TJP1: variants seen among roughly 807,000 people sequenced by gnomAD.
TJP1 encodes tight junction protein 1.
TJP1 carries 43 observed loss-of-function variants against 194.2 expected under a neutral mutation model. That is an observed-to-expected ratio of 0.22 (90% CI 0.17 to 0.29). The LOEUF is 0.29. Among genes scored for constraint, TJP1 ranks in the 10% least tolerant of loss-of-function variants. The pLI is 1.00. For missense variants in TJP1, 1,971 were observed against 2,185.7 expected (o/e 0.90, Z 1.96); for synonymous variants, 801 against 779.0 (o/e 1.03, Z -0.47).
chr15:29,836,977 A>G (rs909000309), intron 2 of TJP1, among the ~76,000 whole-genome samples: 22 of 152,172 alleles, frequency 1.4e-4, no homozygotes, highest in Admixed American at 3.9e-4. Flanking sequence ...GTGAGAAATA[A>G]ATTTATACTG....
intron 2 of TJP1, among the ~76,000 whole-genome samples, chr15:29,795,071 G>C (rs188600236): frequency 2.6e-5 from 4 of 152,230 alleles, no homozygotes; most frequent in Admixed American, 2.6e-4. Flanking sequence ...GGAATATTAT[G>C]AACAATGTTA....
In TJP1 at chr15:29,968,309, G is replaced by T. The variant is rs1436711757; in HGVS notation, c.173+358C>A. The T allele has an allele frequency of 5.1e-6, 5 of 984,898 alleles. No homozygotes were observed. In the African/African-American group the frequency reaches 8.7e-5, roughly 17 times the overall value. 61.0% of individuals were successfully genotyped at this position (984,898 alleles called of 1,614,324 possible). On this transcript the variant is annotated intron_variant, in intron 1 of 28. Transcript: ENST00000356107. ...TGCTGTCTCCGCGAGAGCCTGGCTG[G>T]AAATTCTGAGCCAGAACCCGCCGTA...
intron 1 of TJP1, among the ~76,000 whole-genome samples, chr15:29,821,744 A>G (rs993333604): frequency 4.0e-5 from 6 of 151,612 alleles, no homozygotes; most frequent in Admixed American, 3.9e-4. Flanking sequence ...GCCGGCAGCT[A>G]TGCACCTGCC....
chr15:29,794,891 A>G (rs2048307695), intron 2 of TJP1, among the ~76,000 whole-genome samples: 1 of 152,228 alleles, frequency 6.6e-6, no homozygotes. Context: ...TCAATGAAAC[A>G]GAAAACAGAA....
rs1322385505 is a variant in TJP1 at position 29,716,805 on chromosome 15, T to C, written c.4008A>G (p.Pro1336=). The change falls in exon 23 of 28, where the codon CCA becomes CCG. Residue 1336 remains proline, a synonymous_variant. Coordinates refer to ENST00000614355, the MANE Select transcript of TJP1 (RefSeq NM_001330239.4). ...GATTGGACCGAACAATATCTTCAGG[T>C]GGCTTCAGTTGAGGTTTTTGAGGTT... ...IPEPQKPQLK[P]PEDIVRSNHY... 3 of 1,605,564 alleles carry C rather than the reference T, an allele frequency of 1.9e-6. No individual in the cohort carries two copies. The highest frequency in any genetic ancestry group is 2.6e-6 in the Non-Finnish European group (3 of 1,172,808).
At chr15:29,857,959 C>CA (rs2051924205) in intron 2 of TJP1, among the ~76,000 whole-genome samples, 1 of 152,162 alleles carries the variant, frequency 6.6e-6, no homozygotes, top group Non-Finnish European at 1.5e-5. Context: ...GACGGGGCTT[C>CA]ACCATGTTGG....
intron 1 of TJP1, among the ~76,000 whole-genome samples, chr15:29,812,072 A>C (rs1164076867): frequency 6.6e-6 from 1 of 152,188 alleles, no homozygotes; most frequent in Non-Finnish European, 1.5e-5. Flanking sequence ...TCTTGTTTGC[A>C]TTTTTACATT....
intron 1 of TJP1, among the ~76,000 whole-genome samples, chr15:29,959,947 A>C (rs1446198901): frequency 2.0e-5 from 3 of 152,208 alleles, no homozygotes. Flanking sequence ...AATGAACTTT[A>C]TTCAAAAGAG....
chr15:29,810,387 A>G (rs2049408121), intron 1 of TJP1, among the ~76,000 whole-genome samples: 1 of 152,200 alleles, frequency 6.6e-6, no homozygotes, highest in South Asian at 2.1e-4. Context: ...CTGATTTAGG[A>G]AAGACCCAAA....
intron 3 of TJP1, 127 bp from the exon 4 acceptor site, chr15:29,772,293 A>C (rs893862433): frequency 3.6e-6 from 2 of 562,372 alleles, no homozygotes; most frequent in Non-Finnish European, 6.1e-6. Context: ...ATTTCTCTTC[A>C]GATCAATGAT....
chr15:29,713,950 T>C (rs1187708333), intron 23 of TJP1, among the ~76,000 whole-genome samples: 1 of 152,156 alleles, frequency 6.6e-6, no homozygotes, highest in East Asian at 1.9e-4. Context: ...ATGTCATCTG[T>C]TTCACAATAT....
chr15:29,730,010 C>A (rs1224475546), intron 15 of TJP1, among the ~76,000 whole-genome samples: 1 of 152,022 alleles, frequency 6.6e-6, no homozygotes, highest in African/African-American at 2.4e-5. Flanking sequence ...ATTTCTGTAT[C>A]TTTTGTAATA....
chr15:29,930,834 C>A (rs1169496229), intron 2 of TJP1, among the ~76,000 whole-genome samples: 1 of 152,096 alleles, frequency 6.6e-6, no homozygotes, highest in Non-Finnish European at 1.5e-5. Flanking sequence ...CTAAGAAAAT[C>A]TATAAGTTAT....
At chr15:29,715,077 G>A (rs1301152597) in intron 23 of TJP1, among the ~76,000 whole-genome samples, 1 of 152,182 alleles carries the variant, frequency 6.6e-6, no homozygotes, top group Non-Finnish European at 1.5e-5. Flanking sequence ...TGATAACTGT[G>A]TAAATGAATT....
intron 2 of TJP1, among the ~76,000 whole-genome samples, chr15:29,776,492 T>C (rs948747902): frequency 6.6e-6 from 1 of 152,160 alleles, no homozygotes; most frequent in Non-Finnish European, 1.5e-5. Flanking sequence ...ATTACGAAAA[T>C]TCATGTTTGA....
intron 2 of TJP1, among the ~76,000 whole-genome samples, chr15:29,953,939 C>G (rs1004524174): frequency 6.6e-6 from 1 of 152,198 alleles, no homozygotes; most frequent in African/African-American, 2.4e-5. Flanking sequence ...TACACCAGAA[C>G]ATACAGCTCC....
chr15:29,815,416 A>C (rs554010580), intron 1 of TJP1, among the ~76,000 whole-genome samples: 1 of 152,232 alleles, frequency 6.6e-6, no homozygotes, highest in Non-Finnish European at 1.5e-5. Flanking sequence ...AGTTCCAGTC[A>C]AATATTCCAG....
At position 29,728,023 on chromosome 15, in the gene TJP1, T is replaced by G. The variant is rs766761562; in HGVS notation, c.2018-4A>C. On this transcript the variant is annotated splice_region_variant and splice_polypyrimidine_tract_variant and intron_variant, in intron 15 of 27. Transcript: ENST00000614355. ...CCAGCGTCTCGTGGTTCACTCTCTA[T>G]TCATTATGTCAGGACAAAAATAAGA... 8 of 1,613,790 alleles carry G rather than the reference T, an allele frequency of 5.0e-6. No homozygotes were observed. In the Admixed American group the frequency reaches 1.3e-4, roughly 27 times the overall value.
chr15:29,967,230 T>C (rs2056365469), intron 1 of TJP1, among the ~76,000 whole-genome samples: 2 of 152,024 alleles, frequency 1.3e-5, no homozygotes, highest in African/African-American at 2.4e-5. Flanking sequence ...GAGATGGGGT[T>C]TCACCATGTT....
Sources: allele counts gnomAD v4.1 joint callset (sites outside exome capture counted in the v4.1 genomes callset), GRCh38; gene constraint gnomAD v4.1.1; transcripts MANE v1.5; gene names NCBI Gene and HGNC (gene_info 2026-07-23, HGNC 2026-07-21).